Variants in SHROOM3 observed in about 807,000 individuals in gnomAD.
The protein encoded by SHROOM3 is shroom family member 3.
Under a neutral mutation model 138.6 loss-of-function variants are expected in SHROOM3, and 47 were observed. That is an observed-to-expected ratio of 0.34 (90% confidence interval 0.27 to 0.43). The LOEUF is 0.43. Ranked by LOEUF, SHROOM3 falls within the 20% of genes least tolerant of loss-of-function variation. The pLI is 1.00. For synonymous variants in SHROOM3, 1,062 were observed against 1,063.3 expected, an observed-to-expected ratio of 1.00 and a Z score of 0.02; for missense variants, 2,491 against 2,596.5, an observed-to-expected ratio of 0.96 and a Z score of 0.88.
At chr4:76,553,651 C>T (rs556024543) in intron 1 of SHROOM3, among the ~76,000 whole-genome samples, 4 of 152,022 alleles carry the variant, frequency 2.6e-5, no homozygotes, top group Admixed American at 6.5e-5. Flanking sequence ...CCACCACACC[C>T]GTCTAATTTT....
At chr4:76,606,113 C>T (rs1314324619) in intron 2 of SHROOM3, among the ~76,000 whole-genome samples, 1 of 145,834 alleles carries the variant, frequency 6.9e-6, no homozygotes, top group African/African-American at 2.5e-5. Flanking sequence ...TCCCGGATTC[C>T]AGCGATTCTC....
chr4:76,479,309 C>T (rs894574122), intron 1 of SHROOM3, among the ~76,000 whole-genome samples: 2 of 151,774 alleles, frequency 1.3e-5, no homozygotes, highest in African/African-American at 2.4e-5. Context: ...CTGAAAAACA[C>T]AGCACAAGAA....
intron 2 of SHROOM3, among the ~76,000 whole-genome samples, chr4:76,584,939 C>A (rs1000290871): frequency 6.6e-6 from 1 of 152,044 alleles, no homozygotes; most frequent in South Asian, 2.1e-4. Context: ...ATTCTGTGCC[C>A]CACCCCATTC....
chr4:76,463,012 C>A (rs1363088734), intron 1 of SHROOM3, among the ~76,000 whole-genome samples: 1 of 152,136 alleles, frequency 6.6e-6, no homozygotes, highest in Non-Finnish European at 1.5e-5. Context: ...GAAAGTGTGG[C>A]ATCGTCTTTG....
chr4:76,646,252 T>TATATATATA (rs1404315808), intron 2 of SHROOM3, among the ~76,000 whole-genome samples: 2 of 87,164 alleles, frequency 2.3e-5, no homozygotes, highest in Admixed American at 1.1e-4. Context: ...ATATATAAAA[T>TATATATATA]TAAAAAAAAG....
At chr4:76,774,507 A>G (rs978203393) in intron 10 of SHROOM3, among the ~76,000 whole-genome samples, 24 of 152,112 alleles carry the variant, frequency 1.6e-4, no homozygotes, top group East Asian at 1.2e-3. Context: ...TCTGCAGCCA[A>G]TATGAAAAAA....
chr4:76,470,629 C>T (rs115720988), intron 1 of SHROOM3, among the ~76,000 whole-genome samples: 500 of 152,270 alleles, frequency 3.3e-3, no homozygotes, highest in African/African-American at 0.011. Flanking sequence ...ACCTGGCTAT[C>T]AAAGGATAAT....
intron 1 of SHROOM3, among the ~76,000 whole-genome samples, chr4:76,474,188 G>A (rs371878232): frequency 6.6e-6 from 1 of 152,308 alleles, no homozygotes; most frequent in African/African-American, 2.4e-5. Context: ...AGCCATAAAG[G>A]CCACACATTG....
chr4:76,732,127 T>A (rs923469249), intron 4 of SHROOM3, among the ~76,000 whole-genome samples: 4 of 152,168 alleles, frequency 2.6e-5, no homozygotes, highest in African/African-American at 4.8e-5. Flanking sequence ...TATCTTCTGA[T>A]CCCAGGGAGT....
intron 2 of SHROOM3, among the ~76,000 whole-genome samples, chr4:76,662,006 G>A (rs1718513977): frequency 6.6e-6 from 1 of 152,192 alleles, no homozygotes; most frequent in Non-Finnish European, 1.5e-5. Context: ...GGTACTGGCA[G>A]TTGTGTTAGT....
chr4:76,704,672 A>C (rs1037064200), intron 2 of SHROOM3, among the ~76,000 whole-genome samples: 4 of 152,372 alleles, frequency 2.6e-5, no homozygotes, highest in Admixed American at 1.3e-4. Flanking sequence ...TTGCAGGCCA[A>C]GTAGGGGAAC....
At chr4:76,612,835 G>T (rs1036373720) in intron 2 of SHROOM3, among the ~76,000 whole-genome samples, 6 of 152,176 alleles carry the variant, frequency 3.9e-5, no homozygotes, top group African/African-American at 1.4e-4. Flanking sequence ...AGCTACTTGG[G>T]AGGCAGAGGC....
In SHROOM3 at chr4:76,753,875, C is replaced by T. The variant is rs548356670; in HGVS notation, c.3828-436C>T. On this transcript the variant is annotated intron_variant, in intron 6 of 10. Coordinates refer to ENST00000296043, the MANE Select transcript of SHROOM3 (RefSeq NM_020859.4). ...AAATGCTTTCAAAACAGACCTCCCC[C>T]GTGGGGATCGCACTGGGAGAGAAGA... 6.9e-4 allele frequency among the ~76,000 whole-genome samples: 105 copies of T among 152,338 alleles called. 1 individual carries two copies. The highest frequency in any genetic ancestry group is 2.4e-3 in the African/African-American group (98 of 41,574).
At chr4:76,763,304 T>G (rs1297377582) in intron 9 of SHROOM3, among the ~76,000 whole-genome samples, 2 of 152,078 alleles carry the variant, frequency 1.3e-5, no homozygotes, top group African/African-American at 4.8e-5. Context: ...GGAAAATTGC[T>G]TGAACCCAGG....
intron 1 of SHROOM3, among the ~76,000 whole-genome samples, chr4:76,480,892 A>T (rs997207650): frequency 1.3e-5 from 2 of 152,194 alleles, no homozygotes; most frequent in Non-Finnish European, 2.9e-5. Context: ...TACTGGGTAA[A>T]TACGAAATTA....
At chr4:76,764,145 T>C (rs1444395234) in intron 9 of SHROOM3, among the ~76,000 whole-genome samples, 1 of 152,240 alleles carries the variant, frequency 6.6e-6, no homozygotes, top group Non-Finnish European at 1.5e-5. Context: ...TATTTCTATT[T>C]ATATATCCTA....
chr4:76,694,603 G>A (rs1481659797), intron 2 of SHROOM3, among the ~76,000 whole-genome samples: 1 of 152,172 alleles, frequency 6.6e-6, no homozygotes, highest in African/African-American at 2.4e-5. Flanking sequence ...TCTGAGCTCT[G>A]CTACACTAGT....
chr4:76,663,159 G>C (rs1718589753), intron 2 of SHROOM3, among the ~76,000 whole-genome samples: 1 of 152,144 alleles, frequency 6.6e-6, no homozygotes, highest in African/African-American at 2.4e-5. Context: ...TGCATAGATA[G>C]TTCCAAATCA....
intron 2 of SHROOM3, among the ~76,000 whole-genome samples, chr4:76,615,914 A>G (rs1036928230): frequency 6.6e-6 from 1 of 152,166 alleles, no homozygotes; most frequent in Non-Finnish European, 1.5e-5. Context: ...TAGGCTTCTC[A>G]GTCATCATAT....
Sources: allele counts gnomAD v4.1 joint callset (sites outside exome capture counted in the v4.1 genomes callset), GRCh38; gene constraint gnomAD v4.1.1; transcripts MANE v1.5; gene names NCBI Gene and HGNC (gene_info 2026-07-23, HGNC 2026-07-21).